Variants in MYT1L observed in about 807,000 individuals in gnomAD.
The protein encoded by MYT1L is myelin transcription factor 1 like.
In MYT1L, 12 loss-of-function variants were observed where a neutral mutation model predicts 126.7. The ratio of observed to expected loss-of-function variants is 0.09; its 90% confidence interval spans 0.06 to 0.15. MYT1L has a LOEUF of 0.15. Among genes scored for constraint, MYT1L ranks in the 10% least tolerant of loss-of-function variants. The pLI, the probability that MYT1L is intolerant of heterozygous loss-of-function variation, is 1.00. For missense variants in MYT1L, 979 were observed against 1,585.2 expected (o/e 0.62, Z 6.49); for synonymous variants, 541 against 604.2 (o/e 0.90, Z 1.53).
Position 1,840,675 on chromosome 2 carries a change from T to C in MYT1L, c.2858+85A>G, listed in dbSNP as rs532111115. ...CACTAAGACCCGCTGTCTCTTTTTC[T>C]TGTTGACATATACTTGCTTTGCTTG... is the stretch of plus-strand genomic sequence containing the variant. On this transcript the variant is annotated intron_variant, in intron 20 of 24. Coordinates refer to ENST00000647738, the MANE Select transcript of MYT1L (RefSeq NM_001303052.2). 10 of 983,378 alleles carry C rather than the reference T, an allele frequency of 1.0e-5. No homozygotes were observed. The African/African-American group carries it at 1.3e-4, about 13-fold the overall frequency. 60.9% of individuals were successfully genotyped at this position (983,378 alleles called of 1,614,324 possible). A position where few individuals can be genotyped will look rare whatever the true frequency, so the allele number is the denominator to read the frequency against.
At chr2:1,831,999 A>C (rs2040259499) in intron 21 of MYT1L, among the ~76,000 whole-genome samples, 1 of 152,110 alleles carries the variant, frequency 6.6e-6, no homozygotes, top group Admixed American at 6.6e-5. Flanking sequence ...AGTCCCACAG[A>C]ATCTCAAGTT....
At position 1,917,662 on chromosome 2, in the gene MYT1L, G is replaced by A. The variant is rs751218808; in HGVS notation, c.1484-323C>T. Reference sequence around the variant, plus strand: ...TTGCTCAAAGGAATCAACGTAAATCGTGATGAGACAGTGACCTTCTTAGAG... The same window carrying A: ...TTGCTCAAAGGAATCAACGTAAATCATGATGAGACAGTGACCTTCTTAGAG... On this transcript the variant is annotated intron_variant, in intron 10 of 24. Coordinates refer to ENST00000647738, the MANE Select transcript of MYT1L (RefSeq NM_001303052.2). The surrounding 1 kb of genome is among the most constrained non-coding windows in gnomAD (Gnocchi z 5.9). Among the ~76,000 whole-genome samples the A allele has an allele frequency of 1.6e-4, 24 of 152,186 alleles. No homozygotes were observed. The highest frequency in any genetic ancestry group is 3.2e-4 in the Non-Finnish European group (22 of 68,036).
At chr2:2,110,661 G>A (rs528408932) in intron 3 of MYT1L, among the ~76,000 whole-genome samples, 1 of 150,010 alleles carries the variant, frequency 6.7e-6, no homozygotes, top group African/African-American at 2.5e-5. Flanking sequence ...CACCCTGTCT[G>A]GTACTTTTCC....
chr2:1,930,041 G>A (rs34567837), intron 9 of MYT1L, among the ~76,000 whole-genome samples: 4,383 of 152,292 alleles, frequency 0.029, 94 homozygotes, highest in Non-Finnish European at 0.046. Flanking sequence ...TTCATGTCCT[G>A]CATGCTCCCT....
chr2:1,889,268 T>C lies in MYT1L; in HGVS notation c.2493A>G (p.Ile831Met). ...VDYTKMKPRRIDEDESKDITP... is the reference protein window; with the variant it reads ...VDYTKMKPRRMDEDESKDITP... The stretch of plus-strand genomic sequence containing the variant: ...TAATGTCTTTGGACTCGTCCTCGTC[T>C]ATCCTCCGGGGTTTCATTTTGGTGT... Residue 831 changes from isoleucine to methionine, a missense_variant, in exon 16 of 25, where the codon ATA (isoleucine) becomes ATG (methionine). Coordinates refer to ENST00000647738, the MANE Select transcript of MYT1L (RefSeq NM_001303052.2). The surrounding 1 kb of genome is among the most constrained non-coding windows in gnomAD (Gnocchi z 4.1). The C allele has an allele frequency of 6.2e-7, 1 of 1,613,996 alleles. No individual in the cohort carries two copies. The highest frequency in any genetic ancestry group is 1.3e-5 in the African/African-American group (1 of 75,062).
chr2:2,261,354 C>T lies in MYT1L; in HGVS notation c.-421+23050G>A, dbSNP rs528324575. Among the ~76,000 whole-genome samples, 20 of 152,090 alleles carry T rather than the reference C, an allele frequency of 1.3e-4. 1 individual carries two copies. The highest frequency in any genetic ancestry group is 3.4e-3 in the Middle Eastern group (1 of 294). Reference sequence around the variant, plus strand: ...TCTGATTACAGTCTTTTAGACAAATCGGAAATGAAGAAAGAATATTATAAA... The same window carrying T: ...TCTGATTACAGTCTTTTAGACAAATTGGAAATGAAGAAAGAATATTATAAA... On this transcript the variant is annotated intron_variant, in intron 2 of 24. Coordinates refer to ENST00000647738, the MANE Select transcript of MYT1L (RefSeq NM_001303052.2).
intron 4 of MYT1L, among the ~76,000 whole-genome samples, chr2:2,003,070 A>G (rs2062564090): frequency 6.6e-6 from 1 of 152,086 alleles, no homozygotes; most frequent in African/African-American, 2.4e-5. Context: ...AATTGCTGAG[A>G]ACCAATCTAT....
At chr2:2,244,980 T>C (rs1329616722) in intron 2 of MYT1L, among the ~76,000 whole-genome samples, 2 of 152,218 alleles carry the variant, frequency 1.3e-5, no homozygotes, top group African/African-American at 4.8e-5. Context: ...TGTATCCTGT[T>C]GTACATTCTA....
intron 8 of MYT1L, among the ~76,000 whole-genome samples, chr2:1,959,395 C>T (rs923346629): frequency 6.6e-6 from 1 of 152,314 alleles, no homozygotes. Context: ...GTGAAAGTCC[C>T]TCCTGGAGAG....
chr2:2,009,970 G>A (rs2063675700), intron 4 of MYT1L, among the ~76,000 whole-genome samples: 1 of 147,224 alleles, frequency 6.8e-6, no homozygotes, highest in Non-Finnish European at 1.5e-5. Flanking sequence ...CAGTTGAGAT[G>A]ATCATGGGGT....
chr2:1,955,277 G>A (rs1436027780), intron 8 of MYT1L, among the ~76,000 whole-genome samples: 1 of 151,764 alleles, frequency 6.6e-6, no homozygotes, highest in African/African-American at 2.4e-5. Context: ...GTCTTGATGT[G>A]GTTGGTAAGA....
chr2:2,141,165 G>T (rs1438236544), intron 3 of MYT1L, among the ~76,000 whole-genome samples: 1 of 152,086 alleles, frequency 6.6e-6, no homozygotes, highest in Non-Finnish European at 1.5e-5. Context: ...TTATTAAATT[G>T]ATATCTTTTT....
At chr2:1,895,981 T>C (rs527442416) in intron 14 of MYT1L, among the ~76,000 whole-genome samples, 1 of 152,150 alleles carries the variant, frequency 6.6e-6, no homozygotes, top group Admixed American at 6.5e-5. Flanking sequence ...AAGGAACAAA[T>C]ACTTCAACAA....
At chr2:2,154,092 A>C (rs2086300360) in intron 3 of MYT1L, among the ~76,000 whole-genome samples, 1 of 152,172 alleles carries the variant, frequency 6.6e-6, no homozygotes, top group Admixed American at 6.5e-5. Flanking sequence ...TAAGGGGCTC[A>C]GCGGGCGTTT....
chr2:2,088,742 T>C (rs2076605931), intron 3 of MYT1L, among the ~76,000 whole-genome samples: 1 of 152,204 alleles, frequency 6.6e-6, no homozygotes, highest in South Asian at 2.1e-4. Context: ...GCTTCTAACC[T>C]GAATAATACT....
At chr2:2,315,680 TG>T (rs375229494) in intron 1 of MYT1L, among the ~76,000 whole-genome samples, 317 of 152,326 alleles carry the variant, frequency 2.1e-3, no homozygotes, top group African/African-American at 7.0e-3. Context: ...CAAGAGAGTA[TG>T]GGTCCTTGGC....
At chr2:2,007,855 A>C (rs962732355) in intron 4 of MYT1L, among the ~76,000 whole-genome samples, 1 of 152,210 alleles carries the variant, frequency 6.6e-6, no homozygotes, top group African/African-American at 2.4e-5. Context: ...GATAGTTTAA[A>C]TGATAATTAA....
intron 1 of MYT1L, among the ~76,000 whole-genome samples, chr2:2,293,389 C>T (rs1047349402): frequency 6.6e-6 from 1 of 152,214 alleles, no homozygotes; most frequent in African/African-American, 2.4e-5. Flanking sequence ...GAGAGAGGAC[C>T]TCATTCCCCA....
intron 5 of MYT1L, among the ~76,000 whole-genome samples, chr2:1,988,786 C>T (rs754578571): frequency 6.6e-6 from 1 of 152,222 alleles, no homozygotes; most frequent in Non-Finnish European, 1.5e-5. Context: ...ACATCAGCCT[C>T]CCAAAGTGCT....
Sources: allele counts gnomAD v4.1 joint callset (sites outside exome capture counted in the v4.1 genomes callset), GRCh38; gene constraint gnomAD v4.1.1; non-coding constraint Gnocchi (gnomAD v3.1); transcripts MANE v1.5; gene names NCBI Gene and HGNC (gene_info 2026-07-23, HGNC 2026-07-21).